CTCFL: variants seen among roughly 807,000 people sequenced by gnomAD.
CTCFL encodes transcriptional repressor CTCFL.
A neutral mutation model predicts 67.4 loss-of-function variants in CTCFL; 36 were observed. The ratio of observed to expected loss-of-function variants is 0.53; its 90% confidence interval spans 0.41 to 0.71. CTCFL has a LOEUF of 0.71. Ranked by LOEUF, CTCFL falls within the 30% of genes least tolerant of loss-of-function variation. CTCFL has a pLI of 0.00. For synonymous variants in CTCFL, 324 were observed against 302.3 expected (o/e 1.07, Z -0.75); for missense variants, 786 against 835.2 (o/e 0.94, Z 0.73).
At position 57,497,655 on chromosome 20, in the gene CTCFL, A is replaced by T. The variant is rs1363837179; in HGVS notation, c.*895T>A. 1.0e-6 allele frequency: 1 copy of T among 985,336 alleles called. No individual in the cohort carries two copies. The highest frequency in any genetic ancestry group is 1.2e-6 in the Non-Finnish European group (1 of 829,924). The allele number at this position is 985,336 out of a possible 1,614,324, so 61.0% of individuals were successfully genotyped here. ...CTCACTAATCACTGGGCATTATGAA[A>T]AAGTACAAATTCCTTACAGGTACAC... On this transcript the variant is annotated 3_prime_UTR_variant, in exon 11 of 11. Coordinates refer to ENST00000243914, the MANE Select transcript of CTCFL (RefSeq NM_001386993.1).
Position 57,518,832 on chromosome 20 carries a change from C to T in CTCFL, c.985G>A (p.Val329Ile), listed in dbSNP as rs146122711. ...NMAFVTSGEL[V>I]RHRRYKHTHE... ...GTATGTTTATAGCGCCTGTGTCGGA[C>T]GAGTTCTCCACTGGTGACAAATGCC... The change falls in exon 5 of 11, where the codon GTC (valine) becomes ATC (isoleucine). Residue 329 changes from valine to isoleucine, a missense_variant. By Grantham distance (29) the Val-to-Ile change is conservative. Around this residue, in one of 3 missense-constraint regions of CTCFL, gnomAD observed 254 missense variants for 333.9 expected, o/e 0.76. Transcript: ENST00000243914. 4.2e-4 allele frequency: 670 copies of T among 1,614,132 alleles called. 1 individual carries two copies. Among genetic ancestry groups the T allele is most frequent in the Admixed American group, 1.3e-3 (77 of 60,006 alleles).
rs145270601 is a variant in CTCFL, at chr20:57,508,651, C to A, written c.1629G>T (p.Pro543=). ...FRKYHDANFI[P]TVYKCSKCGK... ...CACACTTGGAGCATTTGTAAACAGT[C>A]GGGATGAAATTTGCATCGTGGTATT... The change falls in exon 9 of 11, where the codon CCG becomes CCT. Residue 543 remains proline, a synonymous_variant. Transcript: ENST00000243914. 5.6e-6 allele frequency: 9 copies of A among 1,613,938 alleles called. No individual in the cohort carries two copies. Among genetic ancestry groups the A allele is most frequent in the Non-Finnish European group, 7.6e-6 (9 of 1,180,028 alleles).
At position 57,503,601 on chromosome 20, in the gene CTCFL, T is replaced by C. The variant is rs1419268054; in HGVS notation, c.1675A>G (p.Ile559Val). The change falls in exon 10 of 11, where the codon ATT becomes GTT. Residue 559 changes from isoleucine (I) to valine (V), a missense_variant and splice_region_variant. By Grantham distance (29) the Ile-to-Val change is conservative. This residue lies in a region of CTCFL where 199 missense variants were observed against 196.7 expected (regional missense o/e 1.01). Transcript: ENST00000243914. ...TTCTCCGAATGTCTGTGCAGGTTAA[T>C]CTGTCGGAGAATTGACACAGAACAC... Reference protein sequence around the residue: ...SKCGKGFSRWINLHRHSEKCG... With the variant: ...SKCGKGFSRWVNLHRHSEKCG... The C allele has an allele frequency of 6.2e-7, 1 of 1,614,040 alleles. No homozygotes were observed. The highest frequency in any genetic ancestry group is 1.7e-5 in the Admixed American group (1 of 60,008).
chr20:57,502,543 C>T (rs1007812392), intron 10 of CTCFL, among the ~76,000 whole-genome samples: 7 of 145,392 alleles, frequency 4.8e-5, no homozygotes, highest in South Asian at 2.1e-4. Flanking sequence ...GGAATGAGAA[C>T]GTGGGGTATT....
At chr20:57,524,442 AGAAC>A (rs1249066824) in intron 1 of CTCFL, 56 of 1,369,902 alleles carry the variant, frequency 4.1e-5, no homozygotes, top group Non-Finnish European at 5.2e-5. Context: ...ACAAAACCCT[AGAAC>A]GAACAGGTTT....
chr20:57,505,267 A>T (rs1047059394), intron 9 of CTCFL, among the ~76,000 whole-genome samples: 1 of 151,500 alleles, frequency 6.6e-6, no homozygotes, highest in African/African-American at 2.4e-5. Flanking sequence ...TTATTTATTT[A>T]TTTTTTGAGA....
chr20:57,508,897 A>G, intron 8 of CTCFL, 109 bp from the exon 9 acceptor site: 1 of 994,906 alleles, frequency 1.0e-6, no homozygotes, highest in Non-Finnish European at 1.5e-6. Context: ...AGATGAGTCC[A>G]CTATTAAGCA....
intron 9 of CTCFL, among the ~76,000 whole-genome samples, chr20:57,505,846 T>C (rs1006954820): frequency 6.6e-6 from 1 of 152,196 alleles, no homozygotes; most frequent in African/African-American, 2.4e-5. Context: ...AATTTTCACT[T>C]TTTGAAAAGG....
rs766872053 is a variant in CTCFL at position 57,503,480 on chromosome 20, T to C, written c.1796A>G (p.Gln599Arg). Residue 599 changes from glutamine to arginine, a missense_variant, in exon 10 of 11, where the codon CAG becomes CGG. Transcript: ENST00000243914. ...QTILKEATKG[Q>R]KEAAKGWKEA... is the part of the protein sequence containing the mutation. ...CTTCCATCCCTTCGCAGCTTCCTTC[T>C]GACCCTTTGTGGCTTCCTTCAGGAT... 14 of 1,614,126 alleles carry C rather than the reference T, an allele frequency of 8.7e-6. No homozygotes were observed. In the East Asian group the frequency reaches 2.9e-4, roughly 33 times the overall value.
rs1256967428 is a variant in CTCFL, at chr20:57,515,810, G to A, written c.1084C>T (p.Arg362Ter). The change falls in exon 6 of 11, where the codon CGA becomes TGA. Residue 362 changes from arginine to a stop codon, truncating the protein, a stop_gained. Transcript: ENST00000243914. LOFTEE classifies it high-confidence loss of function. ...VEASKLKRHV[R>*]SHTGERPFQC... ...AAGGGGCGCTCCCCAGTGTGGGATC[G>A]GACATGGCGCTTCAATTTACTTGCC... is the stretch of plus-strand genomic sequence containing the variant. 1.9e-6 allele frequency: 3 copies of A among 1,610,492 alleles called. No homozygotes were observed. The highest frequency in any genetic ancestry group is 2.5e-6 in the Non-Finnish European group (3 of 1,178,966).
At chr20:57,510,883 A>C (rs2068509358) in intron 8 of CTCFL, among the ~76,000 whole-genome samples, 1 of 152,194 alleles carries the variant, frequency 6.6e-6, no homozygotes. Flanking sequence ...AAAAGAATTC[A>C]GATGGATTCC....
chr20:57,500,338 C>A, intron 10 of CTCFL: 1 of 409,418 alleles, frequency 2.4e-6, no homozygotes. Flanking sequence ...ATCTGTAATC[C>A]CAGCTCCGGA....
In CTCFL at chr20:57,498,420, G is replaced by A. The variant is rs1207627593; in HGVS notation, c.*130C>T. ...TTTCTAACTTGCTTTAGGAATTAGGGGCAGTGAACATGCAACCTGACTCTC... is the reference window on the plus strand; with the variant it reads ...TTTCTAACTTGCTTTAGGAATTAGGAGCAGTGAACATGCAACCTGACTCTC... On this transcript the variant is annotated 3_prime_UTR_variant, in exon 11 of 11. Coordinates refer to ENST00000243914, the MANE Select transcript of CTCFL (RefSeq NM_001386993.1). 2 of 1,450,792 alleles carry A rather than the reference G, an allele frequency of 1.4e-6. No individual in the cohort carries two copies. Among genetic ancestry groups the A allele is most frequent in the Non-Finnish European group, 1.8e-6 (2 of 1,099,010 alleles). 89.9% of individuals were successfully genotyped at this position (1,450,792 alleles called of 1,614,324 possible).
chr20:57,496,295 G>T (rs558217185), downstream of CTCFL: 3 of 694,434 alleles, frequency 4.3e-6, no homozygotes, highest in African/African-American at 3.5e-5. Context: ...TGCCTTGATT[G>T]TAAGTTTCCT....
chr20:57,522,342 A>G (rs1568883397), intron 3 of CTCFL, among the ~76,000 whole-genome samples: 1 of 152,326 alleles, frequency 6.6e-6, no homozygotes, highest in East Asian at 1.9e-4. Context: ...TTTGGGGGTG[A>G]AATATGTTGA....
chr20:57,519,981 G>C (rs2069231683), intron 3 of CTCFL, among the ~76,000 whole-genome samples: 1 of 135,430 alleles, frequency 7.4e-6, no homozygotes, highest in South Asian at 2.2e-4. Context: ...GCCACATGGA[G>C]ATAGTGGCCA....
Position 57,497,785 on chromosome 20 carries a change from T to C in CTCFL, c.*765A>G, listed in dbSNP as rs1003824759. 4.1e-6 allele frequency: 4 copies of C among 984,880 alleles called. No homozygotes were observed. In the African/African-American group the frequency reaches 7.0e-5, roughly 17 times the overall value. 61.0% of individuals were successfully genotyped at this position (984,880 alleles called of 1,614,324 possible). A position where few individuals can be genotyped will look rare whatever the true frequency, so the allele number is the denominator to read the frequency against. ...AAAGGGTTATGGAGTGAAATACTAATAAGCAATAATGGAATGTAACCAGGG... is the reference window on the plus strand; with the variant it reads ...AAAGGGTTATGGAGTGAAATACTAACAAGCAATAATGGAATGTAACCAGGG... On this transcript the variant is annotated 3_prime_UTR_variant, in exon 11 of 11. Transcript: ENST00000243914.
intron 3 of CTCFL, among the ~76,000 whole-genome samples, chr20:57,520,744 T>C (rs1005782827): frequency 6.6e-6 from 1 of 152,240 alleles, no homozygotes; most frequent in Non-Finnish European, 1.5e-5. Context: ...GATAAAATAC[T>C]CAACAAACTT....
intron 3 of CTCFL, 50 bp from the exon 4 acceptor site, chr20:57,519,427 T>C: frequency 6.6e-7 from 1 of 1,519,282 alleles, no homozygotes; most frequent in Non-Finnish European, 9.1e-7. Flanking sequence ...AAATTCCATT[T>C]AAATACTTGA....
Sources: gnomAD v4.1 joint callset for allele counts (sites outside exome capture counted in the v4.1 genomes callset) on GRCh38, gnomAD v4.1.1 for gene constraint, gnomAD v4.1.1 regional missense constraint, MANE v1.5 for transcripts, NCBI Gene and HGNC (gene_info 2026-07-23, HGNC 2026-07-21) for gene names.